Variants in SLC28A2 observed in about 807,000 individuals in gnomAD.
SLC28A2 encodes solute carrier family 28 member 2, also known as sodium/nucleoside cotransporter 2.
Under a neutral mutation model 72.9 loss-of-function variants are expected in SLC28A2, and 69 were observed. The observed-to-expected ratio is 0.95, with a 90% CI of 0.78 to 1.16. The LOEUF is 1.16. Ranked by LOEUF, SLC28A2 falls within the 50% of genes most tolerant of loss-of-function variation. The pLI is 0.00. For synonymous variants in SLC28A2, 296 were observed against 294.1 expected (o/e 1.01, Z -0.07); for missense variants, 745 against 791.1 (o/e 0.94, Z 0.70).
intron 14 of SLC28A2, 131 bp from the exon 15 acceptor site, chr15:45,270,064 C>T (rs1458920548): frequency 3.0e-6 from 2 of 658,964 alleles, no homozygotes; most frequent in Non-Finnish European, 5.4e-6. Context: ...GTTTTCTGAG[C>T]ATCCTTTCAT....
chr15:45,267,750 G>A lies in SLC28A2; in HGVS notation c.1153G>A (p.Glu385Lys), dbSNP rs376327143. ...ASSKLAYPEV[E>K]ESKFKSEEGV... ...ATCAAAGCTAGCGTATCCGGAAGTG[G>A]AGGAGTCCAAGTTCAAGAGTGAGGA... is the stretch of plus-strand genomic sequence containing the variant. Residue 385 changes from glutamate to lysine, a missense_variant, in exon 12 of 18, where the codon GAG becomes AAG. Glu to Lys is a moderately conservative substitution (Grantham distance 56, BLOSUM62 1). Transcript: ENST00000347644. 2.5e-6 allele frequency: 4 copies of A among 1,614,090 alleles called. No homozygotes were observed. The highest frequency in any genetic ancestry group is 8.5e-7 in the Non-Finnish European group (1 of 1,180,006).
In SLC28A2 at chr15:45,272,317, G is replaced by C. The variant is rs2140583337; in HGVS notation, c.1671G>C (p.Lys557Asn). The C allele has an allele frequency of 6.2e-7, 1 of 1,613,934 alleles. No homozygotes were observed. The highest frequency in any genetic ancestry group is 1.3e-5 in the African/African-American group (1 of 75,056). ...CAGCATCAATAGTACCTCACCGGAA[G>C]AGTGACTTGTCCAAGGTTGTGGTCA... Reference protein sequence around the residue: ...GGLTSIVPHRKSDLSKVVVRA... With the variant: ...GGLTSIVPHRNSDLSKVVVRA... The change falls in exon 16 of 18, where the codon AAG (lysine) becomes AAC (asparagine). Residue 557 changes from lysine (K) to asparagine (N), a missense_variant. Transcript: ENST00000347644.
intron 5 of SLC28A2, among the ~76,000 whole-genome samples, chr15:45,263,595 T>C (rs1482237149): frequency 2.6e-5 from 4 of 152,232 alleles, no homozygotes; most frequent in East Asian, 1.9e-4. Context: ...TTGGTGGTCA[T>C]TGGTGTCTCC....
Position 45,253,101 on chromosome 15 carries a change from T to G in SLC28A2, c.-16-99T>G, listed in dbSNP as rs1899846903. 4.5e-6 allele frequency: 3 copies of G among 671,644 alleles called. No homozygotes were observed. The East Asian group carries it at 8.1e-5, about 18-fold the overall frequency. The allele number at this position is 671,644 out of a possible 1,614,324, so 41.6% of individuals were successfully genotyped here. ...CAACTAAGCCTTCAAAGACTTTTAGTTTTGCGTTTTCCATGGGTAACTGGT... is the reference window on the plus strand; with the variant it reads ...CAACTAAGCCTTCAAAGACTTTTAGGTTTGCGTTTTCCATGGGTAACTGGT... On this transcript the variant is annotated intron_variant, in intron 1 of 17. Transcript: ENST00000347644.
chr15:45,264,974 G>C, intron 7 of SLC28A2, 115 bp from the exon 8 acceptor site: 1 of 879,948 alleles, frequency 1.1e-6, no homozygotes. Context: ...GTCAAAGGGA[G>C]GCCAACCTCA....
At chr15:45,268,944 AC>A (rs1567061326) in intron 13 of SLC28A2, among the ~76,000 whole-genome samples, 3 of 145,836 alleles carry the variant, frequency 2.1e-5, no homozygotes, top group African/African-American at 7.6e-5. Context: ...ACATGTTCTC[AC>A]TCATAGGTGG....
At chr15:45,258,759 T>C (rs941241172) in intron 3 of SLC28A2, among the ~76,000 whole-genome samples, 11 of 152,236 alleles carry the variant, frequency 7.2e-5, no homozygotes, top group Non-Finnish European at 5.9e-5. Context: ...TGGGTCTGAA[T>C]TTTAGTAGTT....
Position 45,268,336 on chromosome 15 carries a change from C to T in SLC28A2, c.1326C>T (p.Ser442=). The part of the protein sequence containing the change: ...AVLAFINAAL[S]WLGELVDIQG... ...TGGCCTTCATCAATGCTGCCCTCTC[C>T]TGGCTGGGGGAATTGGTGGACATAC... Residue 442 remains serine, a synonymous_variant, in exon 13 of 18, where the codon TCC becomes TCT. Transcript: ENST00000347644. The T allele has an allele frequency of 1.2e-6, 2 of 1,607,272 alleles. No homozygotes were observed. The highest frequency in any genetic ancestry group is 1.7e-5 in the Admixed American group (1 of 59,912).
intron 12 of SLC28A2, 34 bp from the exon 13 acceptor site, chr15:45,268,176 C>T (rs754220767): frequency 3.2e-6 from 5 of 1,576,130 alleles, no homozygotes; most frequent in East Asian, 2.3e-5. Context: ...CTGCTGTAGA[C>T]ACCCTACTCT....
chr15:45,269,255 C>A, intron 13 of SLC28A2, 83 bp from the exon 14 acceptor site: 2 of 1,134,212 alleles, frequency 1.8e-6, no homozygotes, highest in Non-Finnish European at 2.6e-6. Context: ...AGAGATTGGG[C>A]CAAGGCTCCA....
In SLC28A2 at chr15:45,267,595, C is replaced by T. The variant is rs1374440523; in HGVS notation, c.1068+15C>T. On this transcript the variant is annotated intron_variant, in intron 11 of 17. Transcript: ENST00000347644. The stretch of plus-strand genomic sequence containing the variant: ...TAGCCTTTGGGGTAGGCATAGTCTG[C>T]TTGATCACTCCTGGGTGAACTCGAG... The T allele has an allele frequency of 1.9e-6, 3 of 1,613,966 alleles. No individual in the cohort carries two copies. The highest frequency in any genetic ancestry group is 1.7e-6 in the Non-Finnish European group (2 of 1,180,014).
At chr15:45,265,789 C>T (rs1352367328) in intron 9 of SLC28A2, 126 bp downstream of exon 9, 1 of 733,076 alleles carries the variant, frequency 1.4e-6, no homozygotes, top group Non-Finnish European at 2.4e-6. Context: ...CCCTCTCAAG[C>T]ATGCCTGATA....
At chr15:45,273,944 T>C (rs940814432) in intron 17 of SLC28A2, among the ~76,000 whole-genome samples, 2 of 152,136 alleles carry the variant, frequency 1.3e-5, no homozygotes, top group Non-Finnish European at 2.9e-5. Context: ...AATTCAGTTT[T>C]TGTTTTTTAT....
At position 45,267,703 on chromosome 15, in the gene SLC28A2, C is replaced by T; in HGVS notation, c.1106C>T (p.Ala369Val). 1 of 1,614,096 alleles carries T rather than the reference C, an allele frequency of 6.2e-7. No individual in the cohort carries two copies. Among genetic ancestry groups the T allele is most frequent in the Non-Finnish European group, 8.5e-7 (1 of 1,180,002 alleles). ...ASSLISASVM[A>V]APCALASSKL... is the part of the protein sequence containing the mutation. ...TCCCTGATTTCTGCCTCTGTGATGG[C>T]CGCCCCTTGTGCTCTCGCCTCATCA... Residue 369 changes from alanine (A) to valine (V), a missense_variant, in exon 12 of 18, where the codon GCC becomes GTC. Ala to Val is a moderately conservative substitution (Grantham distance 64, BLOSUM62 0). Coordinates refer to ENST00000347644, the MANE Select transcript of SLC28A2 (RefSeq NM_004212.4).
At chr15:45,268,126 G>A (rs554924720) in intron 12 of SLC28A2, 84 bp from the exon 13 acceptor site, 33 of 1,373,330 alleles carry the variant, frequency 2.4e-5, no homozygotes, top group African/African-American at 2.9e-5. Context: ...CCTCCTGCAC[G>A]ATAGGGACAG....
At chr15:45,259,655 C>T (rs1900089076) in intron 3 of SLC28A2, among the ~76,000 whole-genome samples, 1 of 152,038 alleles carries the variant, frequency 6.6e-6, no homozygotes, top group African/African-American at 2.4e-5. Context: ...TATTATGGGC[C>T]GGGCACTTGT....
chr15:45,268,110 C>T, intron 12 of SLC28A2, 100 bp from the exon 13 acceptor site: 8 of 1,209,166 alleles, frequency 6.6e-6, no homozygotes, highest in Admixed American at 2.2e-5. Context: ...ATTGGCCTTG[C>T]ACCCTCCTCC....
chr15:45,276,806 A>C lies in SLC28A2; in HGVS notation c.*1293A>C, dbSNP rs1269308284. 6.6e-6 allele frequency: 1 copy of C among 152,212 alleles called. No individual in the cohort carries two copies. 9.4% of individuals were successfully genotyped at this position (152,212 alleles called of 1,614,324 possible). ...GGTTGTCAAACATTTGTAAATCTGC[A>C]AACTTCTTAACAACATTACACAGTA... On this transcript the variant is annotated 3_prime_UTR_variant, in exon 18 of 18. Coordinates refer to ENST00000347644, the MANE Select transcript of SLC28A2 (RefSeq NM_004212.4).
chr15:45,265,635 T>G lies in SLC28A2; in HGVS notation c.833T>G (p.Leu278Arg). ...TGTGTGGTGTCCATTCTCTACTACC[T>G]GGGCCTTGTGCAATGGGTAGTTCAG... ...FGCVVSILYY[L>R]GLVQWVVQKV... Residue 278 changes from leucine to arginine, a missense_variant, in exon 9 of 18, where the codon CTG becomes CGG. Leu to Arg is a moderately radical substitution (Grantham distance 102). Transcript: ENST00000347644. 2 of 1,613,200 alleles carry G rather than the reference T, an allele frequency of 1.2e-6. No individual in the cohort carries two copies. The highest frequency in any genetic ancestry group is 1.7e-6 in the Non-Finnish European group (2 of 1,179,132).
Sources: gnomAD v4.1 joint callset for allele counts (sites outside exome capture counted in the v4.1 genomes callset) on GRCh38, gnomAD v4.1.1 for gene constraint, MANE v1.5 for transcripts, NCBI Gene and HGNC (gene_info 2026-07-23, HGNC 2026-07-21) for gene names.